Variants in INPP5D observed in about 807,000 individuals in gnomAD.
INPP5D encodes the protein phosphatidylinositol 3,4,5-trisphosphate 5-phosphatase 1.
A neutral mutation model predicts 122.9 loss-of-function variants in INPP5D; 33 were observed. That is an observed-to-expected ratio of 0.27 (90% CI 0.20 to 0.36). The LOEUF is 0.36. Ranked by LOEUF, INPP5D falls within the 10% of genes least tolerant of loss-of-function variation. The probability of loss-of-function intolerance (pLI) is 1.00; values close to 1 mark genes in which losing one functional copy is unlikely to be tolerated. For synonymous variants in INPP5D, 584 were observed against 576.2 expected, an observed-to-expected ratio of 1.01 and a Z score of -0.19; for missense variants, 1,053 against 1,412.7, an observed-to-expected ratio of 0.75 and a Z score of 4.08.
chr2:233,192,877 A>T (rs1243439928), intron 22 of INPP5D, among the ~76,000 whole-genome samples: 1 of 152,212 alleles, frequency 6.6e-6, no homozygotes, highest in Non-Finnish European at 1.5e-5. Context: ...CTCACCACGG[A>T]TAGGCTTCCC....
Position 233,188,504 on chromosome 2 carries a change from T to C in INPP5D, c.2359-1346T>C, listed in dbSNP as rs1400567140. 2.6e-5 allele frequency among the ~76,000 whole-genome samples: 4 copies of C among 152,106 alleles called. No homozygotes were observed. Among genetic ancestry groups the C allele is most frequent in the African/African-American group, 7.2e-5 (3 of 41,440 alleles). ...CCTCATGCCAGGAGCCAAGTGATAA[T>C]TGGTGCAGCTGTAGAACCCTGGAGT... On this transcript the variant is annotated intron_variant, in intron 21 of 26. Coordinates refer to ENST00000445964, the MANE Select transcript of INPP5D (RefSeq NM_001017915.3). This position sits in a 1 kb window ranked among gnomAD's most constrained non-coding sequence, Gnocchi z 4.7.
chr2:233,078,522 C>T lies in INPP5D; in HGVS notation c.135-813C>T, dbSNP rs902880230. 3.9e-5 allele frequency among the ~76,000 whole-genome samples: 6 copies of T among 152,134 alleles called. No homozygotes were observed. The highest frequency in any genetic ancestry group is 1.4e-4 in the African/African-American group (6 of 41,406). On this transcript the variant is annotated intron_variant, in intron 1 of 26. Transcript: ENST00000445964. The surrounding 1 kb of genome is among the most constrained non-coding windows in gnomAD (Gnocchi z 4.6). ...AGAGGATGAAGCCATTTGGGGGTGG[C>T]AGGGAGCTCAGCGGGAACGAGGTGC...
At chr2:233,065,985 A>G (rs143635174) in intron 1 of INPP5D, among the ~76,000 whole-genome samples, 1 of 148,480 alleles carries the variant, frequency 6.7e-6, no homozygotes, top group Non-Finnish European at 1.5e-5. Flanking sequence ...TATTTTTGAG[A>G]CACGGTCTTT....
intron 5 of INPP5D, among the ~76,000 whole-genome samples, chr2:233,138,303 TAA>T (rs749510803): frequency 1.9e-5 from 2 of 103,678 alleles, no homozygotes; most frequent in African/African-American, 4.5e-5. Context: ...TAAGATTGTC[TAA>T]AAAAAAAAAA....
chr2:233,125,651 G>C (rs1265130908), intron 3 of INPP5D, 94 bp from the exon 4 acceptor site: 17 of 1,083,568 alleles, frequency 1.6e-5, no homozygotes, highest in Non-Finnish European at 2.3e-5. Flanking sequence ...GATCAATAAC[G>C]TGGGTGTCGT....
At position 233,170,392 on chromosome 2, in the gene INPP5D, C is replaced by G. The variant is rs1035836664; in HGVS notation, c.1792-104C>G. On this transcript the variant is annotated intron_variant, in intron 15 of 26. Coordinates refer to ENST00000445964, the MANE Select transcript of INPP5D (RefSeq NM_001017915.3). The surrounding 1 kb of genome is among the most constrained non-coding windows in gnomAD (Gnocchi z 4.5). Reference sequence around the variant, plus strand: ...TGTCACAGCCACCCTGCCACCATCACTCTGCAGCCCGGGTCATCCAGCTGC... The same window carrying G: ...TGTCACAGCCACCCTGCCACCATCAGTCTGCAGCCCGGGTCATCCAGCTGC... 1.3e-6 allele frequency: 2 copies of G among 1,540,358 alleles called. No individual in the cohort carries two copies. Among genetic ancestry groups the G allele is most frequent in the Admixed American group, 3.9e-5 (2 of 51,094 alleles).
At chr2:233,097,909 C>T (rs1400457930) in intron 2 of INPP5D, among the ~76,000 whole-genome samples, 1 of 149,928 alleles carries the variant, frequency 6.7e-6, no homozygotes, top group African/African-American at 2.5e-5. Context: ...TTTTTTGAGA[C>T]AGAGTCTCAC....
At chr2:233,117,497 G>A (rs1692836070) in intron 2 of INPP5D, among the ~76,000 whole-genome samples, 1 of 152,178 alleles carries the variant, frequency 6.6e-6, no homozygotes, top group Non-Finnish European at 1.5e-5. Context: ...TGCCCTGCTC[G>A]CATCCTGTAA....
chr2:233,125,012 G>A (rs1693114136), intron 3 of INPP5D, among the ~76,000 whole-genome samples: 1 of 152,254 alleles, frequency 6.6e-6, no homozygotes. Context: ...GGTCCCCCGG[G>A]GCCCACTGTG....
At chr2:233,123,757 A>G (rs552864102) in intron 3 of INPP5D, among the ~76,000 whole-genome samples, 3 of 152,370 alleles carry the variant, frequency 2.0e-5, no homozygotes, top group African/African-American at 7.2e-5. Context: ...AAAATGTTGT[A>G]TATATACACC....
In INPP5D at chr2:233,161,816, C is replaced by G; in HGVS notation, c.1230C>G (p.Thr410=). ...ACATGATCACCATCTTCATCGGCAC[C>G]TGGAACATGGGTGGGTCCGCGCGCC... ...EPDMITIFIG[T]WNMGNAPPPK... The change falls in exon 11 of 27, where the codon ACC becomes ACG. Residue 410 remains threonine, a synonymous_variant. Transcript: ENST00000445964. 6.2e-7 allele frequency: 1 copy of G among 1,613,340 alleles called. No homozygotes were observed.
Position 233,060,387 on chromosome 2 carries a change from G to C in INPP5D, c.-92G>C. 1 of 1,411,318 alleles carries C rather than the reference G, an allele frequency of 7.1e-7. No individual in the cohort carries two copies. Among genetic ancestry groups the C allele is most frequent in the Non-Finnish European group, 9.5e-7 (1 of 1,053,584 alleles). The allele number at this position is 1,411,318 out of a possible 1,614,324, so 87.4% of individuals were successfully genotyped here. Reference sequence around the variant, plus strand: ...CCGAGGCCACCAAGAGGCAACGGGCGGCAGGTTGCAGTGGAGGGGCCTCCG... The same window carrying C: ...CCGAGGCCACCAAGAGGCAACGGGCCGCAGGTTGCAGTGGAGGGGCCTCCG... On this transcript the variant is annotated 5_prime_UTR_variant, in exon 1 of 27. Transcript: ENST00000445964.
intron 9 of INPP5D, among the ~76,000 whole-genome samples, chr2:233,153,940 A>C (rs1291391056): frequency 6.6e-6 from 1 of 152,084 alleles, no homozygotes; most frequent in Non-Finnish European, 1.5e-5. Context: ...TCTCTGGGAA[A>C]CTTGATCAGC....
chr2:233,163,614 C>A (rs1694249508), intron 11 of INPP5D, 93 bp from the exon 12 acceptor site: 1 of 1,587,128 alleles, frequency 6.3e-7, no homozygotes, highest in African/African-American at 1.4e-5. Context: ...ATGACGTGAC[C>A]TCCCTCACAC....
At chr2:233,092,750 C>A (rs967877230) in intron 2 of INPP5D, among the ~76,000 whole-genome samples, 2 of 152,164 alleles carry the variant, frequency 1.3e-5, no homozygotes, top group Admixed American at 1.3e-4. Context: ...CTTGGATGCT[C>A]CCAACAGCAT....
At chr2:233,167,484 T>C (rs745701366) in intron 13 of INPP5D, among the ~76,000 whole-genome samples, 2 of 152,132 alleles carry the variant, frequency 1.3e-5, no homozygotes, top group Non-Finnish European at 2.9e-5. Flanking sequence ...GGGATAAGAA[T>C]GTGGTGGGCA....
chr2:233,203,278 G>C (rs942117313), intron 25 of INPP5D, among the ~76,000 whole-genome samples: 3 of 152,212 alleles, frequency 2.0e-5, no homozygotes, highest in Admixed American at 2.0e-4. Context: ...GCGGGGTGGG[G>C]ATGGGAGGAA....
intron 25 of INPP5D, 108 bp downstream of exon 25, chr2:233,198,484 CA>C: frequency 6.9e-7 from 1 of 1,451,304 alleles, no homozygotes; most frequent in Non-Finnish European, 9.1e-7. Context: ...AATTTGTGTC[CA>C]CTTGGCTCAT....
At position 233,170,263 on chromosome 2, in the gene INPP5D, G is replaced by A. The variant is rs575389066; in HGVS notation, c.1791+99G>A. The A allele has an allele frequency of 1.8e-5, 28 of 1,533,474 alleles. No individual in the cohort carries two copies. Among genetic ancestry groups the A allele is most frequent in the Middle Eastern group, 2.0e-4 (1 of 4,964 alleles). 95.0% of individuals were successfully genotyped at this position (1,533,474 alleles called of 1,614,324 possible). Reference sequence around the variant, plus strand: ...GTGGTCGTGGAGACATGTGAATCAAGTGGGCTGAGGCGGCTGCTCCCCTTG... The same window carrying A: ...GTGGTCGTGGAGACATGTGAATCAAATGGGCTGAGGCGGCTGCTCCCCTTG... On this transcript the variant is annotated intron_variant, in intron 15 of 26. Transcript: ENST00000445964. The surrounding 1 kb of genome is among the most constrained non-coding windows in gnomAD (Gnocchi z 4.5).
Sources: gnomAD v4.1 joint callset for allele counts (sites outside exome capture counted in the v4.1 genomes callset) on GRCh38, gnomAD v4.1.1 for gene constraint, Gnocchi (gnomAD v3.1) non-coding constraint, MANE v1.5 for transcripts, NCBI Gene and HGNC (gene_info 2026-07-23, HGNC 2026-07-21) for gene names.